Variants in PXYLP1 observed in about 807,000 individuals in gnomAD.
The protein encoded by PXYLP1 is acid phosphatase-like 2.
PXYLP1 carries 17 observed loss-of-function variants against 37.9 expected under a neutral mutation model. The observed-to-expected ratio is 0.45, with a 90% CI of 0.31 to 0.67. The LOEUF is 0.67. PXYLP1 is among the 30% of genes least tolerant of loss of function. The pLI, the probability that PXYLP1 is intolerant of heterozygous loss-of-function variation, is 0.07. For missense variants in PXYLP1, 511 were observed against 612.0 expected, an observed-to-expected ratio of 0.84 and a Z score of 1.74; for synonymous variants, 221 against 232.2, an observed-to-expected ratio of 0.95 and a Z score of 0.44.
chr3:141,278,530 AC>A, intron 3 of PXYLP1, 30 bp downstream of exon 3: 1 of 1,612,180 alleles, frequency 6.2e-7, no homozygotes, highest in Non-Finnish European at 8.5e-7. Context: ...CAGGACAGAT[AC>A]CCCTTTGGGG....
chr3:141,270,804 G>C (rs1941643978), intron 2 of PXYLP1, among the ~76,000 whole-genome samples: 1 of 152,188 alleles, frequency 6.6e-6, no homozygotes, highest in African/African-American at 2.4e-5. Flanking sequence ...ATCCCTTCCA[G>C]ATCCCAAGTT....
chr3:141,286,644 C>T (rs9816975), intron 4 of PXYLP1, among the ~76,000 whole-genome samples: 76,119 of 145,252 alleles, frequency 0.52, 20,551 homozygotes, highest in South Asian at 0.69. Context: ...AGTACCAGGG[C>T]GAGGCCAGAA....
chr3:141,242,798 A>T (rs1025955387), intron 1 of PXYLP1, among the ~76,000 whole-genome samples: 7 of 152,182 alleles, frequency 4.6e-5, no homozygotes, highest in Non-Finnish European at 1.0e-4. Context: ...GATGGATCTC[A>T]TCTAATCCCC....
chr3:141,267,986 T>C (rs937168971), intron 2 of PXYLP1, among the ~76,000 whole-genome samples: 2 of 152,190 alleles, frequency 1.3e-5, no homozygotes, highest in African/African-American at 4.8e-5. Context: ...GATAGAGATA[T>C]CTGTTTAAAG....
At chr3:141,260,288 G>T in intron 2 of PXYLP1, 34 bp downstream of exon 2, 1 of 1,606,384 alleles carries the variant, frequency 6.2e-7, no homozygotes, top group Non-Finnish European at 8.5e-7. Context: ...GTCGTGGGAG[G>T]GTAGGGGCTT....
intron 2 of PXYLP1, among the ~76,000 whole-genome samples, chr3:141,266,938 T>C (rs1001221441): frequency 4.6e-5 from 7 of 152,168 alleles, no homozygotes; most frequent in Non-Finnish European, 1.0e-4. Context: ...CAAGGAGCCC[T>C]GACAGGTGCC....
chr3:141,235,611 GA>G (rs1323680997), intron 1 of PXYLP1: 2 of 152,376 alleles, frequency 1.3e-5, no homozygotes, highest in African/African-American at 4.8e-5. Flanking sequence ...TTTAGGAGGT[GA>G]AGAAGAGGGA....
chr3:141,256,467 C>G (rs1182999867), intron 1 of PXYLP1, among the ~76,000 whole-genome samples: 1 of 152,174 alleles, frequency 6.6e-6, no homozygotes, highest in African/African-American at 2.4e-5. Flanking sequence ...ACACCCACAG[C>G]AGCAGAACTA....
chr3:141,292,199 C>A lies in PXYLP1; in HGVS notation c.506-69C>A. 6.9e-7 allele frequency: 1 copy of A among 1,457,040 alleles called. No homozygotes were observed. The highest frequency in any genetic ancestry group is 9.3e-7 in the Non-Finnish European group (1 of 1,077,210). The allele number at this position is 1,457,040 out of a possible 1,614,324, so 90.3% of individuals were successfully genotyped here. On this transcript the variant is annotated intron_variant, in intron 5 of 5. Transcript: ENST00000286353. This position sits in a 1 kb window ranked among gnomAD's most constrained non-coding sequence, Gnocchi z 4.3. ...AAAACACTCCAGAGCCACACGCTGA[C>A]TCCACCTCCCCTTGCTGTTTCTTTT...
At chr3:141,243,461 A>G (rs1335280346) in intron 1 of PXYLP1, among the ~76,000 whole-genome samples, 1 of 152,216 alleles carries the variant, frequency 6.6e-6, no homozygotes, top group East Asian at 1.9e-4. Context: ...GACTCACTGC[A>G]TAAGGCCTGT....
At chr3:141,260,004 C>A in intron 1 of PXYLP1, 119 bp from the exon 2 acceptor site, 1 of 688,062 alleles carries the variant, frequency 1.5e-6, no homozygotes, top group Non-Finnish European at 2.4e-6. Flanking sequence ...ATGCATGCTT[C>A]CCTGCCGGGG....
chr3:141,292,966 AG>A lies in PXYLP1; in HGVS notation c.1206del (p.Arg402SerfsTer2). 6.2e-7 allele frequency: 1 copy of A among 1,614,192 alleles called. No homozygotes were observed. Among genetic ancestry groups the A allele is most frequent in the Non-Finnish European group, 8.5e-7 (1 of 1,180,036 alleles). On this transcript the variant is annotated frameshift_variant, in exon 6 of 6. Coordinates refer to ENST00000286353, the MANE Select transcript of PXYLP1 (RefSeq NM_001037172.3). LOFTEE classifies it high-confidence loss of function. This position sits in a 1 kb window ranked among gnomAD's most constrained non-coding sequence, Gnocchi z 4.3. ...AGCCAGGTTCCCAAGGTTTGCAGCC[AG>A]GTTGATCTTTGAGCTTTGGCAAGAC... ...SEARFPRFAA[R>X]LIFELWQDRE...
rs562146715 is a variant in PXYLP1 at position 141,260,343 on chromosome 3, G to T, written c.79+89G>T. On this transcript the variant is annotated intron_variant, in intron 2 of 5. Coordinates refer to ENST00000286353, the MANE Select transcript of PXYLP1 (RefSeq NM_001037172.3). ...CCAAAGGCTTGTTTTATAAATGAATGATGAGGCTGAAGACAACGAAGTCTT... is the reference window on the plus strand; with the variant it reads ...CCAAAGGCTTGTTTTATAAATGAATTATGAGGCTGAAGACAACGAAGTCTT... The T allele has an allele frequency of 5.0e-4, 705 of 1,400,310 alleles. 3 individuals are homozygous for T. The African/African-American group carries it at 8.8e-3, about 18-fold the overall frequency. The allele number at this position is 1,400,310 out of a possible 1,614,324, so 86.7% of individuals were successfully genotyped here.
intron 2 of PXYLP1, 65 bp downstream of exon 2, chr3:141,260,319 CA>C: frequency 6.5e-7 from 1 of 1,549,214 alleles, no homozygotes; most frequent in East Asian, 2.2e-5. Flanking sequence ...AAGGAGGCCC[CA>C]AAGGCTTGTT....
At chr3:141,265,547 G>A (rs1941487878) in intron 2 of PXYLP1, among the ~76,000 whole-genome samples, 2 of 151,928 alleles carry the variant, frequency 1.3e-5, no homozygotes, top group South Asian at 4.2e-4. Context: ...GCAAGCTGAG[G>A]GTGGCCCCAA....
At position 141,248,023 on chromosome 3, in the gene PXYLP1, G is replaced by GTTTTTTT. The variant is rs55888415; in HGVS notation, c.-53-12089_-53-12083dup. ...CGGAGCTTTTAAGAGTTTTTGTTTT[G>GTTTTTTT]TTTTTTTTTTTTTTTTTGAGATGGA... On this transcript the variant is annotated intron_variant, in intron 1 of 5. Transcript: ENST00000286353. Among the ~76,000 whole-genome samples the GTTTTTTT allele has an allele frequency of 2.9e-3, 353 of 122,688 alleles. 4 individuals are homozygous for GTTTTTTT. Among genetic ancestry groups the GTTTTTTT allele is most frequent in the Middle Eastern group, 4.2e-3 (1 of 236 alleles). 80.5% of individuals were successfully genotyped at this position (122,688 alleles called of 152,430 possible). A position where few individuals can be genotyped will look rare whatever the true frequency, so the allele number is the denominator to read the frequency against.
At position 141,250,168 on chromosome 3, in the gene PXYLP1, C is replaced by T. The variant is rs190139080; in HGVS notation, c.-53-9955C>T. On this transcript the variant is annotated intron_variant, in intron 1 of 5. Coordinates refer to ENST00000286353, the MANE Select transcript of PXYLP1 (RefSeq NM_001037172.3). ...AAACAAAAGGTCTGTTAGTGGAAGACGTACAGTCAGTAGGCTGCAGGAGGC... is the reference window on the plus strand; with the variant it reads ...AAACAAAAGGTCTGTTAGTGGAAGATGTACAGTCAGTAGGCTGCAGGAGGC... Among the ~76,000 whole-genome samples, 11 of 152,314 alleles carry T rather than the reference C, an allele frequency of 7.2e-5. No individual in the cohort carries two copies. The East Asian group carries it at 1.5e-3, about 21-fold the overall frequency.
chr3:141,278,701 G>A (rs1339627356), intron 3 of PXYLP1, among the ~76,000 whole-genome samples: 1 of 152,194 alleles, frequency 6.6e-6, no homozygotes, highest in East Asian at 1.9e-4. Flanking sequence ...CTGGGACTGG[G>A]GAGGTTTCAG....
intron 2 of PXYLP1, among the ~76,000 whole-genome samples, chr3:141,261,646 T>C (rs1576588556): frequency 6.6e-6 from 1 of 152,180 alleles, no homozygotes; most frequent in African/African-American, 2.4e-5. Context: ...TCACTAACCA[T>C]GCACTAGTAT....
Sources: gnomAD v4.1 joint callset for allele counts (sites outside exome capture counted in the v4.1 genomes callset) on GRCh38, gnomAD v4.1.1 for gene constraint, Gnocchi (gnomAD v3.1) non-coding constraint, MANE v1.5 for transcripts, NCBI Gene and HGNC (gene_info 2026-07-23, HGNC 2026-07-21) for gene names.